DMD: variants seen among roughly 807,000 people sequenced by gnomAD.
DMD encodes mutant dystrophin.
Under a neutral mutation model 330.1 loss-of-function variants are expected in DMD, and 63 were observed. The ratio of observed to expected loss-of-function variants is 0.19; its 90% CI spans 0.16 to 0.24. DMD has a LOEUF of 0.24. Among genes scored for constraint, DMD ranks in the 10% least tolerant of loss-of-function variants. The probability of loss-of-function intolerance (pLI) is 1.00; values close to 1 mark genes in which losing one functional copy is unlikely to be tolerated. For missense variants in DMD, 3,344 were observed against 2,684.1 expected, an observed-to-expected ratio of 1.25 and a Z score of -5.43; for synonymous variants, 1,223 against 959.8, an observed-to-expected ratio of 1.27 and a Z score of -5.07.
At chrX:32,253,347 G>A (rs752659714) in intron 43 of DMD, among the ~76,000 whole-genome samples, 1 of 110,884 alleles carries the variant, frequency 9.0e-6, no homozygotes, top group African/African-American at 3.3e-5. Flanking sequence ...GGAAGTTTAA[G>A]TTCCACAATT....
chrX:33,066,329 A>T (rs1373859616), intron 1 of DMD, among the ~76,000 whole-genome samples: 1 of 106,882 alleles, frequency 9.4e-6, no homozygotes, highest in African/African-American at 3.4e-5. Context: ...CGCGCCTGTA[A>T]TCCCAGCTAC....
Position 32,573,586 on chromosome X carries a change from G to T in DMD, c.1756C>A (p.His586Asn). 1 of 1,211,772 alleles carries T rather than the reference G, an allele frequency of 8.3e-7. No homozygotes were observed. The change falls in exon 15 of 79, where the codon CAC becomes AAC. Residue 586 changes from histidine (H) to asparagine (N), a missense_variant. Coordinates refer to ENST00000357033, the MANE Select transcript of DMD (RefSeq NM_004006.3). Reference sequence around the variant, plus strand: ...TTTTGATCTTTAAAGCCAGTTGTGTGAATCTTGTTCACTGCATCTTCTTTT... The same window carrying T: ...TTTTGATCTTTAAAGCCAGTTGTGTTAATCTTGTTCACTGCATCTTCTTTT... ...SEKEDAVNKI[H>N]TTGFKDQNEM...
intron 47 of DMD, among the ~76,000 whole-genome samples, chrX:31,877,668 T>TGTGTGC (rs2093988984): frequency 2.3e-4 from 1 of 4,364 alleles, no homozygotes; most frequent in Non-Finnish European, 5.5e-4. Context: ...GCTGAACTCT[T>TGTGTGC]GTGTGTGTGT....
chrX:32,641,174 C>T (rs971329536), intron 11 of DMD, among the ~76,000 whole-genome samples: 2 of 110,793 alleles, frequency 1.8e-5, no homozygotes, highest in Non-Finnish European at 3.8e-5. Flanking sequence ...AGTAGCCTCC[C>T]CTCAACCATT....
At chrX:32,938,256 G>A (rs528207710) in intron 2 of DMD, among the ~76,000 whole-genome samples, 1 of 111,367 alleles carries the variant, frequency 9.0e-6, no homozygotes, top group African/African-American at 3.3e-5. Context: ...AAGGGTTATC[G>A]AATTTATCGG....
chrX:32,517,958 T>A, intron 18 of DMD, 50 bp downstream of exon 18: 2 of 1,183,368 alleles, frequency 1.7e-6, no homozygotes, highest in Non-Finnish European at 2.3e-6. Flanking sequence ...GCACGGAGTT[T>A]ACAAGCAGCA....
intron 43 of DMD, among the ~76,000 whole-genome samples, chrX:32,268,854 G>A (rs1049099612): frequency 5.4e-5 from 6 of 110,724 alleles, no homozygotes; most frequent in African/African-American, 2.0e-4. Context: ...ATACCTAATA[G>A]TAGTGTTACA....
chrX:31,958,362 T>G (rs1050758709), intron 45 of DMD, among the ~76,000 whole-genome samples: 10 of 111,335 alleles, frequency 9.0e-5, no homozygotes, highest in Admixed American at 2.9e-4. Context: ...GGGCATCTAC[T>G]CTTTCCCTAG....
At chrX:31,130,979 A>G (rs1408094586) in intron 77 of DMD, among the ~76,000 whole-genome samples, 1 of 111,991 alleles carries the variant, frequency 8.9e-6, no homozygotes. Context: ...TTAATAGCAC[A>G]TTTCCACTAA....
intron 62 of DMD, among the ~76,000 whole-genome samples, chrX:31,313,702 C>T (rs12836134): frequency 0.024 from 2,604 of 110,235 alleles, 37 homozygotes; most frequent in Middle Eastern, 0.037. Flanking sequence ...TCTGAATCTC[C>T]AATGTCTATC....
chrX:32,142,398 G>A (rs950387949), intron 44 of DMD, among the ~76,000 whole-genome samples: 2 of 112,235 alleles, frequency 1.8e-5, no homozygotes, highest in African/African-American at 3.2e-5. Flanking sequence ...GGGCTTTAAA[G>A]TTTCATTGTT....
At chrX:32,547,659 G>C (rs1013830194) in intron 16 of DMD, among the ~76,000 whole-genome samples, 1 of 111,043 alleles carries the variant, frequency 9.0e-6, no homozygotes, top group Non-Finnish European at 1.9e-5. Flanking sequence ...ATGGCTTATA[G>C]TTATTGACTA....
At chrX:32,339,622 G>C (rs1663453422) in intron 41 of DMD, among the ~76,000 whole-genome samples, 2 of 111,419 alleles carry the variant, frequency 1.8e-5, no homozygotes, top group African/African-American at 6.5e-5. Context: ...ATATAGCTCT[G>C]ACATGGACAG....
intron 7 of DMD, among the ~76,000 whole-genome samples, chrX:32,731,852 C>G (rs2067710735): frequency 8.9e-6 from 1 of 111,975 alleles, no homozygotes. Context: ...AAAAGCAGAG[C>G]ACCTCTCCTC....
intron 17 of DMD, among the ~76,000 whole-genome samples, chrX:32,518,645 C>A (rs2046104376): frequency 9.0e-6 from 1 of 110,849 alleles, no homozygotes; most frequent in Non-Finnish European, 1.9e-5. Context: ...CAGAGCTTGA[C>A]TTTTTAGAGC....
chrX:32,068,374 A>ATTT (rs749610367), intron 44 of DMD, among the ~76,000 whole-genome samples: 23 of 64,292 alleles, frequency 3.6e-4, no homozygotes, highest in African/African-American at 9.1e-4. Flanking sequence ...CTTGCTTGTC[A>ATTT]TTTTTTTTTT....
intron 61 of DMD, among the ~76,000 whole-genome samples, chrX:31,337,877 C>T (rs2057493479): frequency 1.8e-5 from 2 of 111,656 alleles, no homozygotes; most frequent in Admixed American, 9.5e-5. Context: ...AAGTCCGTGA[C>T]GAAGGAGTGG....
chrX:32,825,956 C>T (rs1115073), intron 4 of DMD, among the ~76,000 whole-genome samples: 21,349 of 75,603 alleles, frequency 0.28, 1,969 homozygotes, highest in East Asian at 0.7. Flanking sequence ...TACCCAACAA[C>T]AGAAATATAC....
chrX:33,112,276 T>C (rs1035540305), intron 1 of DMD, among the ~76,000 whole-genome samples: 1 of 111,444 alleles, frequency 9.0e-6, no homozygotes, highest in African/African-American at 3.3e-5. Flanking sequence ...TATGTGTATG[T>C]ATATAAGAAA....
Sources: allele counts gnomAD v4.1 joint callset (sites outside exome capture counted in the v4.1 genomes callset), GRCh38; gene constraint gnomAD v4.1.1; transcripts MANE v1.5; gene names NCBI Gene and HGNC (gene_info 2026-07-23, HGNC 2026-07-21).